CACNA1E: variants seen among roughly 807,000 people sequenced by gnomAD.
The protein encoded by CACNA1E is voltage-dependent R-type calcium channel subunit alpha-1E.
CACNA1E carries 40 observed loss-of-function variants against 259.2 expected under a neutral mutation model. The ratio of observed to expected loss-of-function variants is 0.15; its 90% CI spans 0.12 to 0.20. The LOEUF (loss-of-function observed/expected upper bound fraction) is 0.20, where lower values mean the gene tolerates loss of function less well. Among genes scored for constraint, CACNA1E ranks in the 10% least tolerant of loss-of-function variants. The pLI, the probability that CACNA1E is intolerant of heterozygous loss-of-function variation, is 1.00. For missense variants in CACNA1E, 1,874 were observed against 3,040.1 expected, an observed-to-expected ratio of 0.62 and a Z score of 9.02; for synonymous variants, 1,104 against 1,138.5, an observed-to-expected ratio of 0.97 and a Z score of 0.61.
intron 3 of CACNA1E, among the ~76,000 whole-genome samples, chr1:181,523,598 A>C (rs1235544315): frequency 6.6e-6 from 1 of 152,188 alleles, no homozygotes; most frequent in Non-Finnish European, 1.5e-5. Context: ...TAGAAAAAGG[A>C]ATGGCTCTGG....
At chr1:181,504,608 C>T (rs553813809) in intron 1 of CACNA1E, among the ~76,000 whole-genome samples, 1 of 152,310 alleles carries the variant, frequency 6.6e-6, no homozygotes, top group South Asian at 2.1e-4. Context: ...CAGGCTCAGG[C>T]AGATGAAGAG....
intron 2 of CACNA1E, among the ~76,000 whole-genome samples, chr1:181,471,589 C>A (rs541731715): frequency 2.4e-4 from 37 of 151,876 alleles, no homozygotes; most frequent in Non-Finnish European, 4.3e-4. Flanking sequence ...ATTTCTTTCC[C>A]TTTTCTCCCA....
chr1:181,683,125 C>T (rs1003847140), intron 7 of CACNA1E, among the ~76,000 whole-genome samples: 1 of 152,170 alleles, frequency 6.6e-6, no homozygotes, highest in Non-Finnish European at 1.5e-5. Flanking sequence ...TTGTCTGGCT[C>T]CTTGGTAGAT....
chr1:181,415,284 T>C (rs1220170415), intron 2 of CACNA1E, among the ~76,000 whole-genome samples: 2 of 152,192 alleles, frequency 1.3e-5, no homozygotes, highest in Non-Finnish European at 2.9e-5. Flanking sequence ...AAATAACTTT[T>C]ATGTCTCTAA....
rs146714180 is a variant in CACNA1E at position 181,328,068 on chromosome 1, G to A, written c.-15+9945G>A. On this transcript the variant is annotated intron_variant, in intron 1 of 11. Coordinates refer to the CACNA1E transcript ENST00000524607. ...GTTGCAGAAGGTTTCAGAAGCAAGTGTCTTTGTTTGAGCTGCTGTAACACA... is the reference window on the plus strand; with the variant it reads ...GTTGCAGAAGGTTTCAGAAGCAAGTATCTTTGTTTGAGCTGCTGTAACACA... Among the ~76,000 whole-genome samples the A allele has an allele frequency of 4.1e-3, 632 of 152,318 alleles. 14 individuals are homozygous for A. Among genetic ancestry groups the A allele is most frequent in the Admixed American group, 0.031 (473 of 15,296 alleles).
chr1:181,610,537 A>G (rs971945118), intron 6 of CACNA1E, among the ~76,000 whole-genome samples: 1 of 152,254 alleles, frequency 6.6e-6, no homozygotes, highest in Non-Finnish European at 1.5e-5. Context: ...TCCTTGCAAT[A>G]CAGCAAAAAG....
intron 18 of CACNA1E, 142 bp downstream of exon 18, chr1:181,726,304 G>A: frequency 1.7e-6 from 1 of 605,444 alleles, no homozygotes; most frequent in South Asian, 2.0e-5. Context: ...GCCAGACAGA[G>A]TCTGTTTTCA....
At chr1:181,747,745 C>A (rs1240921470) in intron 25 of CACNA1E, among the ~76,000 whole-genome samples, 1 of 152,196 alleles carries the variant, frequency 6.6e-6, no homozygotes, top group African/African-American at 2.4e-5. Flanking sequence ...ATTTCCTAAA[C>A]AATGTGCCTC....
intron 6 of CACNA1E, 136 bp downstream of exon 6, chr1:181,580,912 C>T: frequency 1.4e-6 from 1 of 710,434 alleles, no homozygotes; most frequent in Non-Finnish European, 2.4e-6. Flanking sequence ...GGTGAAGACT[C>T]AACTGGGATA....
chr1:181,476,953 A>T (rs116672379), intron 2 of CACNA1E, among the ~76,000 whole-genome samples: 2,020 of 152,272 alleles, frequency 0.013, 33 homozygotes, highest in African/African-American at 0.046. Context: ...CGAACCTCCA[A>T]ATCAACTTTC....
intron 3 of CACNA1E, among the ~76,000 whole-genome samples, chr1:181,565,187 A>G (rs1484063100): frequency 1.7e-4 from 26 of 152,144 alleles, no homozygotes; most frequent in Admixed American, 1.4e-3. Context: ...TCTAGATGGT[A>G]TTATCTATAT....
intron 7 of CACNA1E, among the ~76,000 whole-genome samples, chr1:181,689,565 A>G (rs898115240): frequency 6.6e-6 from 1 of 152,224 alleles, no homozygotes; most frequent in African/African-American, 2.4e-5. Context: ...ACTGTCTTCC[A>G]CAAGAATTGA....
intron 44 of CACNA1E, 144 bp downstream of exon 44, chr1:181,790,700 C>T (rs1009668624): frequency 7.4e-5 from 47 of 635,504 alleles, no homozygotes; most frequent in Admixed American, 1.7e-4. Flanking sequence ...TGCCTTAGCC[C>T]TTTTCTAGCC....
intron 1 of CACNA1E, among the ~76,000 whole-genome samples, chr1:181,354,412 T>A (rs1371252762): frequency 1.3e-5 from 2 of 152,166 alleles, no homozygotes; most frequent in African/African-American, 4.8e-5. Context: ...AATAGTGTGC[T>A]CAGGTATGGC....
At chr1:181,585,789 C>T (rs983983670) in intron 6 of CACNA1E, among the ~76,000 whole-genome samples, 2 of 152,098 alleles carry the variant, frequency 1.3e-5, no homozygotes, top group Middle Eastern at 3.2e-3. Context: ...ATTTGAAGAA[C>T]AGCAAAGAGC....
chr1:181,511,844 C>A (rs928356944), intron 3 of CACNA1E, among the ~76,000 whole-genome samples: 8 of 152,192 alleles, frequency 5.3e-5, no homozygotes, highest in African/African-American at 1.7e-4. Context: ...CCCAATGAGC[C>A]TTTTCACCAA....
intron 7 of CACNA1E, among the ~76,000 whole-genome samples, chr1:181,676,367 C>T (rs1649376613): frequency 6.6e-6 from 1 of 152,154 alleles, no homozygotes; most frequent in Admixed American, 6.6e-5. Context: ...CAGGACGTTG[C>T]ACTACATATG....
At chr1:181,740,586 G>A (rs978001412) in intron 25 of CACNA1E, among the ~76,000 whole-genome samples, 2 of 152,180 alleles carry the variant, frequency 1.3e-5, no homozygotes, top group Admixed American at 6.5e-5. Context: ...GCTGTGCTAG[G>A]AGTGTAGGAT....
Position 181,776,505 on chromosome 1 carries a change from C to A in CACNA1E, c.5267+277C>A, listed in dbSNP as rs934032988. On this transcript the variant is annotated intron_variant, in intron 38 of 47. Coordinates refer to ENST00000367573, the MANE Select transcript of CACNA1E (RefSeq NM_001205293.3). The surrounding 1 kb of genome is among the most constrained non-coding windows in gnomAD (Gnocchi z 4.4). The stretch of plus-strand genomic sequence containing the variant: ...TCACCTCAGATTATTTGGGCTCAGT[C>A]CCAAGAGAACTTTCCAATAATCTTT... 2.7e-5 allele frequency: 9 copies of A among 339,468 alleles called. No homozygotes were observed. The highest frequency in any genetic ancestry group is 9.0e-5 in the Admixed American group (2 of 22,180). The allele number at this position is 339,468 out of a possible 1,614,324, so 21.0% of individuals were successfully genotyped here.
Sources: gnomAD v4.1 joint callset for allele counts (sites outside exome capture counted in the v4.1 genomes callset) on GRCh38, gnomAD v4.1.1 for gene constraint, Gnocchi (gnomAD v3.1) non-coding constraint, MANE v1.5 for transcripts, NCBI Gene and HGNC (gene_info 2026-07-23, HGNC 2026-07-21) for gene names.